DYNC1I1: variants seen among roughly 807,000 people sequenced by gnomAD.
The protein encoded by DYNC1I1 is cytoplasmic dynein 1 intermediate chain 1.
In DYNC1I1, 43 loss-of-function variants were observed where a neutral mutation model predicts 86.6. That is an observed-to-expected ratio of 0.50 (90% CI 0.39 to 0.64). The LOEUF is 0.64. Ranked by LOEUF, DYNC1I1 falls within the 30% of genes least tolerant of loss-of-function variation. The pLI is 0.00. For synonymous variants in DYNC1I1, 262 were observed against 283.7 expected (o/e 0.92, Z 0.77); for missense variants, 604 against 788.8 (o/e 0.77, Z 2.81).
intron 5 of DYNC1I1, among the ~76,000 whole-genome samples, chr7:95,838,280 C>T (rs970746377): frequency 2.0e-5 from 3 of 152,096 alleles, no homozygotes; most frequent in African/African-American, 4.8e-5. Flanking sequence ...ATTCCCAACA[C>T]CGTGAATTGA....
At chr7:96,028,058 A>ATTTTT in intron 10 of DYNC1I1, 117 bp from the exon 11 acceptor site, 1 of 1,389,864 alleles carries the variant, frequency 7.2e-7, no homozygotes, top group Admixed American at 2.1e-5. Flanking sequence ...GCTTTAAATT[A>ATTTTT]TTTTTTTGTT....
At chr7:95,914,788 C>T (rs319332) in intron 6 of DYNC1I1, among the ~76,000 whole-genome samples, 30,855 of 152,066 alleles carry the variant, frequency 0.2, 3,669 homozygotes, top group East Asian at 0.5. Flanking sequence ...CTGAATTCTC[C>T]CGGCTGGGTG....
chr7:95,881,379 A>T (rs1206210873), intron 6 of DYNC1I1, among the ~76,000 whole-genome samples: 1 of 152,238 alleles, frequency 6.6e-6, no homozygotes, highest in South Asian at 2.1e-4. Flanking sequence ...AAAAGAAAAA[A>T]AAAAGTAAAA....
chr7:95,869,861 A>G (rs1790115480), intron 5 of DYNC1I1, 22 bp from the exon 6 acceptor site: 1 of 1,606,982 alleles, frequency 6.2e-7, no homozygotes, highest in Non-Finnish European at 8.5e-7. Flanking sequence ...CTCTCTAAGC[A>G]TTTATTCTTT....
chr7:95,976,901 G>A (rs1584218055), intron 6 of DYNC1I1, among the ~76,000 whole-genome samples: 3 of 152,140 alleles, frequency 2.0e-5, no homozygotes, highest in Admixed American at 2.0e-4. Context: ...CAACTCAGTC[G>A]ACTTGTTAGT....
At chr7:96,003,564 A>AT (rs1312680992) in intron 10 of DYNC1I1, among the ~76,000 whole-genome samples, 15 of 152,184 alleles carry the variant, frequency 9.9e-5, no homozygotes, top group African/African-American at 3.6e-4. Flanking sequence ...ATCCTACAAC[A>AT]TTTTCATATA....
chr7:96,023,292 G>A lies in DYNC1I1; in HGVS notation c.970-4883G>A, dbSNP rs540885664. On this transcript the variant is annotated intron_variant, in intron 10 of 16. Transcript: ENST00000447467. ...AGAAGAGATGGTACTTGAAATAGGC[G>A]ATGCTTTTGAGAGCAGAACCCTTAT... Among the ~76,000 whole-genome samples the A allele has an allele frequency of 4.6e-5, 7 of 152,276 alleles. No individual in the cohort carries two copies. The South Asian group carries it at 1.5e-3, about 32-fold the overall frequency.
At chr7:95,918,665 AAAAG>A (rs1046986516) in intron 6 of DYNC1I1, among the ~76,000 whole-genome samples, 1 of 152,188 alleles carries the variant, frequency 6.6e-6, no homozygotes, top group Non-Finnish European at 1.5e-5. Context: ...TTCCTTTGGA[AAAAG>A]AAAGAACTAA....
At chr7:95,799,444 C>T (rs940333561) in intron 1 of DYNC1I1, among the ~76,000 whole-genome samples, 14 of 152,016 alleles carry the variant, frequency 9.2e-5, no homozygotes, top group Admixed American at 2.0e-4. Context: ...AGAGACCTTC[C>T]CTGTAACTAA....
chr7:95,815,595 A>T (rs1231686467), intron 4 of DYNC1I1, among the ~76,000 whole-genome samples: 2 of 152,188 alleles, frequency 1.3e-5, no homozygotes, highest in Non-Finnish European at 2.9e-5. Context: ...CAGTTTTTTT[A>T]AATTCCACTT....
intron 6 of DYNC1I1, among the ~76,000 whole-genome samples, chr7:95,962,023 G>A (rs188811898): frequency 2.1e-4 from 32 of 152,266 alleles, no homozygotes; most frequent in Non-Finnish European, 4.1e-4. Context: ...AGTCTGTTTT[G>A]GGGCCAGACA....
Position 95,825,704 on chromosome 7 carries a change from T to C in DYNC1I1, c.315-2353T>C, listed in dbSNP as rs546423950. Among the ~76,000 whole-genome samples, 3 of 152,218 alleles carry C rather than the reference T, an allele frequency of 2.0e-5. No individual in the cohort carries two copies. The South Asian group carries it at 6.2e-4, about 32-fold the overall frequency. ...GGGTCCCACCCCAGACATTCTGGCT[T>C]AATTGGTCTAGGGGTGGCCTGGATC... On this transcript the variant is annotated intron_variant, in intron 4 of 16. Transcript: ENST00000447467.
intron 10 of DYNC1I1, among the ~76,000 whole-genome samples, chr7:96,013,245 G>T (rs80053734): frequency 2.0e-5 from 3 of 152,110 alleles, no homozygotes; most frequent in African/African-American, 7.2e-5. Flanking sequence ...ACCCTTGCTG[G>T]CTTTGAGGGT....
intron 3 of DYNC1I1, among the ~76,000 whole-genome samples, 188 bp downstream of exon 3, chr7:95,810,694 A>G (rs201811117): frequency 2.0e-5 from 3 of 151,888 alleles, no homozygotes; most frequent in Admixed American, 6.6e-5. Flanking sequence ...ATGGGAGGAA[A>G]GTTGTAGAAT....
chr7:95,804,286 A>G, intron 1 of DYNC1I1: 1 of 1,005,010 alleles, frequency 1.0e-6, no homozygotes, highest in Non-Finnish European at 1.3e-6. Flanking sequence ...AGCAGGGCAT[A>G]TCTCTAGGGG....
At chr7:96,105,888 G>A (rs1791206920) in intron 16 of DYNC1I1, among the ~76,000 whole-genome samples, 2 of 152,068 alleles carry the variant, frequency 1.3e-5, no homozygotes, top group Non-Finnish European at 1.5e-5. Context: ...TCAACAAGTT[G>A]CATTTTTCAA....
At chr7:95,969,831 A>G (rs1409645722) in intron 6 of DYNC1I1, among the ~76,000 whole-genome samples, 2 of 152,106 alleles carry the variant, frequency 1.3e-5, no homozygotes, top group Non-Finnish European at 2.9e-5. Context: ...TGTTAACAGG[A>G]GTGCTCTGTA....
At chr7:95,964,970 A>C (rs1361486694) in intron 6 of DYNC1I1, among the ~76,000 whole-genome samples, 5 of 152,212 alleles carry the variant, frequency 3.3e-5, no homozygotes, top group African/African-American at 1.2e-4. Flanking sequence ...AAGTAGAGTC[A>C]GCAAACCAAA....
intron 10 of DYNC1I1, among the ~76,000 whole-genome samples, chr7:96,005,485 G>A (rs1229087429): frequency 3.3e-5 from 5 of 152,064 alleles, no homozygotes; most frequent in Admixed American, 6.5e-5. Flanking sequence ...TATCTGACAC[G>A]AGACGTATAG....
Sources: allele counts gnomAD v4.1 joint callset (sites outside exome capture counted in the v4.1 genomes callset), GRCh38; gene constraint gnomAD v4.1.1; transcripts MANE v1.5; gene names NCBI Gene and HGNC (gene_info 2026-07-23, HGNC 2026-07-21).